Variants in ZCCHC3 observed in about 807,000 individuals in gnomAD.
ZCCHC3 encodes zinc finger CCHC domain-containing protein 3.
In ZCCHC3, 20 loss-of-function variants were observed where a neutral mutation model predicts 18.4. The ratio of observed to expected loss-of-function variants is 1.09; its 90% CI spans 0.76 to 1.58. ZCCHC3 has a LOEUF of 1.58. Among genes scored for constraint, ZCCHC3 ranks in the 40% most tolerant of loss-of-function variants. The pLI, the probability that ZCCHC3 is intolerant of heterozygous loss-of-function variation, is 0.00. For missense variants in ZCCHC3, 548 were observed against 511.2 expected (o/e 1.07, Z -0.69); for synonymous variants, 310 against 232.7 (o/e 1.33, Z -3.02).
chr20:298,925 C>T lies in ZCCHC3; in HGVS notation c.*127C>T. On this transcript the variant is annotated 3_prime_UTR_variant, in exon 1 of 1. Transcript: ENST00000500893. Reference sequence around the variant, plus strand: ...TTTAAAACCTACAAGAGACATCTCTCTATGCCTTCTTAAACCGAGTTTACT... The same window carrying T: ...TTTAAAACCTACAAGAGACATCTCTTTATGCCTTCTTAAACCGAGTTTACT... The T allele has an allele frequency of 1.8e-6, 2 of 1,084,964 alleles. No individual in the cohort carries two copies. The highest frequency in any genetic ancestry group is 2.5e-6 in the Non-Finnish European group (2 of 803,058). 67.2% of individuals were successfully genotyped at this position (1,084,964 alleles called of 1,614,324 possible).
chr20:298,250 C>G lies in ZCCHC3; in HGVS notation c.664C>G (p.Leu222Val), dbSNP rs1189327079. 2 of 943,712 alleles carry G rather than the reference C, an allele frequency of 2.1e-6. No individual in the cohort carries two copies. The highest frequency in any genetic ancestry group is 1.6e-5 in the African/African-American group (1 of 62,168). The allele number at this position is 943,712 out of a possible 1,614,324, so 58.5% of individuals were successfully genotyped here. Reference sequence around the variant, plus strand: ...CGTGAGCTTCCGCTCAGCGGAGAAGCTGGCCCTGTTCCTACGCGTCTACGA... The same window carrying G: ...CGTGAGCTTCCGCTCAGCGGAGAAGGTGGCCCTGTTCCTACGCGTCTACGA... ...FDVSFRSAEK[L>V]ALFLRVYEEK... is the part of the protein sequence containing the mutation. Residue 222 changes from leucine (L) to valine (V), a missense_variant, in exon 1 of 1, where the codon CTG becomes GTG. Physicochemically the swap from Leu to Val is conservative, Grantham distance 32. Coordinates refer to ENST00000500893, the MANE Select transcript of ZCCHC3 (RefSeq NM_033089.7).
Position 297,896 on chromosome 20 carries a change from C to T in ZCCHC3, c.310C>T (p.Pro104Ser), listed in dbSNP as rs2012669389. The T allele has an allele frequency of 2.4e-6, 3 of 1,257,822 alleles. No homozygotes were observed. Among genetic ancestry groups the T allele is most frequent in the Non-Finnish European group, 3.0e-6 (3 of 1,002,232 alleles). The allele number at this position is 1,257,822 out of a possible 1,614,324, so 77.9% of individuals were successfully genotyped here. ...GGATCCGAAGGGCCGTCGGAGAGAT[C>T]CGGCCGGCGAGGCGGTGGACCCCCG... The part of the protein sequence containing the change: ...RGDPKGRRRD[P>S]AGEAVDPRKK... The change falls in exon 1 of 1, where the codon CCG becomes TCG. Residue 104 changes from proline (P) to serine (S), a missense_variant. Coordinates refer to ENST00000500893, the MANE Select transcript of ZCCHC3 (RefSeq NM_033089.7).
chr20:298,585 G>A lies in ZCCHC3; in HGVS notation c.999G>A (p.Lys333=). 2.4e-6 allele frequency: 2 copies of A among 833,366 alleles called. No homozygotes were observed. Among genetic ancestry groups the A allele is most frequent in the East Asian group, 2.4e-5 (1 of 41,344 alleles). The allele number at this position is 833,366 out of a possible 1,614,324, so 51.6% of individuals were successfully genotyped here. Residue 333 remains lysine, a synonymous_variant, in exon 1 of 1, where the codon AAG becomes AAA. Coordinates refer to ENST00000500893, the MANE Select transcript of ZCCHC3 (RefSeq NM_033089.7). The part of the protein sequence containing the change: ...RGYSWYKGQP[K]TCFKCGSRTH... Reference sequence around the variant, plus strand: ...ACAGCTGGTACAAGGGGCAGCCCAAGACATGCTTTAAATGTGGTTCCCGGA... The same window carrying A: ...ACAGCTGGTACAAGGGGCAGCCCAAAACATGCTTTAAATGTGGTTCCCGGA...
In ZCCHC3 at chr20:298,844, C is replaced by T; in HGVS notation, c.*46C>T. The T allele has an allele frequency of 1.4e-6, 2 of 1,470,604 alleles. No homozygotes were observed. Among genetic ancestry groups the T allele is most frequent in the Non-Finnish European group, 1.8e-6 (2 of 1,109,520 alleles). The allele number at this position is 1,470,604 out of a possible 1,614,324, so 91.1% of individuals were successfully genotyped here. ...GTGAACACACAGCCAGCTTATCCCT[C>T]TTAAGTGCCAAAACTTTTTTTTAAA... On this transcript the variant is annotated 3_prime_UTR_variant, in exon 1 of 1. Coordinates refer to ENST00000500893, the MANE Select transcript of ZCCHC3 (RefSeq NM_033089.7).
At position 298,795 on chromosome 20, in the gene ZCCHC3, C is replaced by T; in HGVS notation, c.1209C>T (p.His403=). Residue 403 remains histidine, a synonymous_variant, in exon 1 of 1, where the codon CAC becomes CAT. Transcript: ENST00000500893. ...CTCAGCTAACCGGCGTGGCCGGGCA[C>T]TAAACACCCGCCTGCCTGCCAGGGT... ...VAAQLTGVAG[H] 1 of 1,508,324 alleles carries T rather than the reference C, an allele frequency of 6.6e-7. No homozygotes were observed. The allele number at this position is 1,508,324 out of a possible 1,614,324, so 93.4% of individuals were successfully genotyped here.
Position 299,619 on chromosome 20 carries a change from C to A in ZCCHC3, c.*821C>A, listed in dbSNP as rs1408609456. The A allele has an allele frequency of 4.2e-5, 7 of 167,054 alleles. No homozygotes were observed. The highest frequency in any genetic ancestry group is 7.3e-5 in the Non-Finnish European group (5 of 68,150). 10.3% of individuals were successfully genotyped at this position (167,054 alleles called of 1,614,324 possible). A position where few individuals can be genotyped will look rare whatever the true frequency, so the allele number is the denominator to read the frequency against. ...TGAAAATCACATAGCTGTCTGGTGC[C>A]AGAGCCAGCCTATAGTAGAGTCCCC... On this transcript the variant is annotated 3_prime_UTR_variant, in exon 1 of 1. Transcript: ENST00000500893.
chr20:297,594 C>G lies in ZCCHC3; in HGVS notation c.8C>G (p.Thr3Ser). 1.5e-6 allele frequency: 2 copies of G among 1,369,682 alleles called. No homozygotes were observed. The highest frequency in any genetic ancestry group is 1.9e-6 in the Non-Finnish European group (2 of 1,057,780). The allele number at this position is 1,369,682 out of a possible 1,614,324, so 84.8% of individuals were successfully genotyped here. Reference sequence around the variant, plus strand: ...TGCTGGGAAGGAGGTAAAATGGCCACCGGCGGCGGCGCGGAGGAAGAGAGG... The same window carrying G: ...TGCTGGGAAGGAGGTAAAATGGCCAGCGGCGGCGGCGCGGAGGAAGAGAGG... MA[T>S]GGGAEEERKR... is the part of the protein sequence containing the mutation. The change falls in exon 1 of 1, where the codon ACC (threonine) becomes AGC (serine). Residue 3 changes from threonine (T) to serine (S), a missense_variant. Thr to Ser is a moderately conservative substitution (Grantham distance 58, BLOSUM62 1). Coordinates refer to ENST00000500893, the MANE Select transcript of ZCCHC3 (RefSeq NM_033089.7).
chr20:298,642 G>A lies in ZCCHC3; in HGVS notation c.1056G>A (p.Arg352=). The A allele has an allele frequency of 8.0e-7, 1 of 1,244,488 alleles. No individual in the cohort carries two copies. The highest frequency in any genetic ancestry group is 1.2e-6 in the Non-Finnish European group (1 of 843,374). 77.1% of individuals were successfully genotyped at this position (1,244,488 alleles called of 1,614,324 possible). The change falls in exon 1 of 1, where the codon AGG becomes AGA. Residue 352 remains arginine (R), a synonymous_variant. Coordinates refer to ENST00000500893, the MANE Select transcript of ZCCHC3 (RefSeq NM_033089.7). Reference sequence around the variant, plus strand: ...TGAGCGGCAGCTGCACGCAGGACAGGTGCTTCAGGTGCGGGGAGGAGGGGC... The same window carrying A: ...TGAGCGGCAGCTGCACGCAGGACAGATGCTTCAGGTGCGGGGAGGAGGGGC... ...THMSGSCTQD[R]CFRCGEEGHL...
At position 297,793 on chromosome 20, in the gene ZCCHC3, T is replaced by TGGAGGGAGCGCCGGGCTCGGC. The variant is rs2012666405; in HGVS notation, c.210_230dup (p.Gly71_Gly77dup). 5 of 1,321,902 alleles carry TGGAGGGAGCGCCGGGCTCGGC rather than the reference T, an allele frequency of 3.8e-6. No individual in the cohort carries two copies. The highest frequency in any genetic ancestry group is 6.3e-5 in the East Asian group (2 of 31,818). The allele number at this position is 1,321,902 out of a possible 1,614,324, so 81.9% of individuals were successfully genotyped here. A position where few individuals can be genotyped will look rare whatever the true frequency, so the allele number is the denominator to read the frequency against. On this transcript the variant is annotated inframe_insertion, in exon 1 of 1. Transcript: ENST00000500893. ...GGCGGGAGGAGGAAAGCGGCGGCGGTGGAGGGAGCGCCGGGCTCGGCGGCC... is the reference window on the plus strand; with the variant it reads ...GGCGGGAGGAGGAAAGCGGCGGCGGTGGAGGGAGCGCCGGGCTCGGCGGAGGGAGCGCCGGGCTCGGCGGCC...
In ZCCHC3 at chr20:299,006, CTG is replaced by C. The variant is rs2012700805; in HGVS notation, c.*210_*211del. The C allele has an allele frequency of 2.2e-6, 1 of 450,672 alleles. No homozygotes were observed. Among genetic ancestry groups the C allele is most frequent in the Non-Finnish European group, 3.9e-6 (1 of 255,206 alleles). The allele number at this position is 450,672 out of a possible 1,614,324, so 27.9% of individuals were successfully genotyped here. On this transcript the variant is annotated 3_prime_UTR_variant, in exon 1 of 1. Coordinates refer to ENST00000500893, the MANE Select transcript of ZCCHC3 (RefSeq NM_033089.7). ...TGTCACCAATAACGACTGCGGAGAA[CTG>C]TAGCGTGCAGATGTGTTGCCCCTCC...
rs995668330 is a variant in ZCCHC3, at chr20:299,933, C to T, written c.*1135C>T. On this transcript the variant is annotated 3_prime_UTR_variant, in exon 1 of 1. Transcript: ENST00000500893. Reference sequence around the variant, plus strand: ...TCCTTTGGAGGCCCTACCCCTTCCCCATTCATTGCCACCAGTGAGAAATGG... The same window carrying T: ...TCCTTTGGAGGCCCTACCCCTTCCCTATTCATTGCCACCAGTGAGAAATGG... 1 of 167,144 alleles carries T rather than the reference C, an allele frequency of 6.0e-6. No homozygotes were observed. The highest frequency in any genetic ancestry group is 2.4e-5 in the African/African-American group (1 of 41,454). The allele number at this position is 167,144 out of a possible 1,614,324, so 10.4% of individuals were successfully genotyped here. A position where few individuals can be genotyped will look rare whatever the true frequency, so the allele number is the denominator to read the frequency against.
chr20:297,970 G>A lies in ZCCHC3; in HGVS notation c.384G>A (p.Ala128=). ...CGGGCAGGAGGAAGAAGGCCGAGGC[G>A]GCGGCGGCCGCCATGGCGACCCCGG... ...AEAGRRKKAE[A]AAAAMATPAR... is the part of the protein sequence containing the mutation. Residue 128 remains alanine, a synonymous_variant, in exon 1 of 1, where the codon GCG becomes GCA. Transcript: ENST00000500893. The A allele has an allele frequency of 2.3e-6, 3 of 1,304,998 alleles. No individual in the cohort carries two copies. Among genetic ancestry groups the A allele is most frequent in the Non-Finnish European group, 2.9e-6 (3 of 1,032,046 alleles). 80.8% of individuals were successfully genotyped at this position (1,304,998 alleles called of 1,614,324 possible). A position where few individuals can be genotyped will look rare whatever the true frequency, so the allele number is the denominator to read the frequency against.
Position 299,948 on chromosome 20 carries a change from G to C in ZCCHC3, c.*1150G>C, listed in dbSNP as rs1028537200. Reference sequence around the variant, plus strand: ...ACCCCTTCCCCATTCATTGCCACCAGTGAGAAATGGGGGTGCCCCTGTGTA... The same window carrying C: ...ACCCCTTCCCCATTCATTGCCACCACTGAGAAATGGGGGTGCCCCTGTGTA... On this transcript the variant is annotated 3_prime_UTR_variant, in exon 1 of 1. Coordinates refer to ENST00000500893, the MANE Select transcript of ZCCHC3 (RefSeq NM_033089.7). The C allele has an allele frequency of 6.0e-6, 1 of 167,114 alleles. No individual in the cohort carries two copies. The highest frequency in any genetic ancestry group is 1.5e-5 in the Non-Finnish European group (1 of 68,138). The allele number at this position is 167,114 out of a possible 1,614,324, so 10.4% of individuals were successfully genotyped here.
chr20:298,159 C>A lies in ZCCHC3; in HGVS notation c.573C>A (p.Arg191=). ...RDFVVGALIL[R]SIGMDPSDIY... ...TCGTGGTAGGAGCGCTTATCCTGCG[C>A]TCCATCGGCATGGACCCGAGCGACA... The change falls in exon 1 of 1, where the codon CGC becomes CGA. Residue 191 remains arginine (R), a synonymous_variant. Transcript: ENST00000500893. The A allele has an allele frequency of 3.2e-6, 5 of 1,550,462 alleles. No homozygotes were observed. Among genetic ancestry groups the A allele is most frequent in the Non-Finnish European group, 4.5e-6 (5 of 1,122,966 alleles).
rs1187899048 is a variant in ZCCHC3, at chr20:298,045, G to C, written c.459G>C (p.Glu153Asp). 6.7e-7 allele frequency: 1 copy of C among 1,497,838 alleles called. No individual in the cohort carries two copies. Among genetic ancestry groups the C allele is most frequent in the Non-Finnish European group, 8.9e-7 (1 of 1,124,042 alleles). 92.8% of individuals were successfully genotyped at this position (1,497,838 alleles called of 1,614,324 possible). The change falls in exon 1 of 1, where the codon GAG becomes GAC. Residue 153 changes from glutamate to aspartate, a missense_variant. Physicochemically the swap from Glu to Asp is conservative, Grantham distance 45 (BLOSUM62 2). Transcript: ENST00000500893. ...CGGCCGAGCGGCCCCTCCAGGATGA[G>C]CCGGCGGCGGCGGCAGGCCCGGGCA... is the stretch of plus-strand genomic sequence containing the variant. ...EDAAERPLQD[E>D]PAAAAGPGKG...
In ZCCHC3 at chr20:298,416, G is replaced by A; in HGVS notation, c.830G>A (p.Cys277Tyr). ...ATTGTGACTTGGCTCAAGCGCCACT[G>A]CGACGTGCTGGCCGTGCCGGTGAAA... ...EDIVTWLKRH[C>Y]DVLAVPVKVT... Residue 277 changes from cysteine to tyrosine, a missense_variant, in exon 1 of 1, where the codon TGC (cysteine) becomes TAC (tyrosine). Physicochemically the swap from Cys to Tyr is radical, Grantham distance 194 (BLOSUM62 -2). Coordinates refer to ENST00000500893, the MANE Select transcript of ZCCHC3 (RefSeq NM_033089.7). 1.3e-6 allele frequency: 1 copy of A among 781,822 alleles called. No individual in the cohort carries two copies. The allele number at this position is 781,822 out of a possible 1,614,324, so 48.4% of individuals were successfully genotyped here. A position where few individuals can be genotyped will look rare whatever the true frequency, so the allele number is the denominator to read the frequency against.
In ZCCHC3 at chr20:297,841, C is replaced by T; in HGVS notation, c.255C>T (p.Asp85=). 2 of 1,250,516 alleles carry T rather than the reference C, an allele frequency of 1.6e-6. No individual in the cohort carries two copies. Among genetic ancestry groups the T allele is most frequent in the Non-Finnish European group, 2.0e-6 (2 of 997,626 alleles). The allele number at this position is 1,250,516 out of a possible 1,614,324, so 77.5% of individuals were successfully genotyped here. Reference sequence around the variant, plus strand: ...GCCCCGCGGGCCTGGCGGCGCCGGACCTCGGCGACTTCCCACCGGCTGGCC... The same window carrying T: ...GCCCCGCGGGCCTGGCGGCGCCGGATCTCGGCGACTTCCCACCGGCTGGCC... ...LGGPAGLAAP[D]LGDFPPAGRG... The change falls in exon 1 of 1, where the codon GAC becomes GAT. Residue 85 remains aspartate, a synonymous_variant. Transcript: ENST00000500893.
Position 297,720 on chromosome 20 carries a change from A to C in ZCCHC3, c.134A>C (p.Lys45Thr). 1 of 1,377,590 alleles carries C rather than the reference A, an allele frequency of 7.3e-7. No individual in the cohort carries two copies. The highest frequency in any genetic ancestry group is 9.4e-7 in the Non-Finnish European group (1 of 1,063,436). The allele number at this position is 1,377,590 out of a possible 1,614,324, so 85.3% of individuals were successfully genotyped here. Residue 45 changes from lysine (K) to threonine (T), a missense_variant, in exon 1 of 1, where the codon AAG (lysine) becomes ACG (threonine). Coordinates refer to ENST00000500893, the MANE Select transcript of ZCCHC3 (RefSeq NM_033089.7). Reference protein sequence around the residue: ...REKMGWAQVVKNLAEKKGEFR... With the variant: ...REKMGWAQVVTNLAEKKGEFR... ...AAGATGGGCTGGGCCCAGGTGGTGA[A>C]GAATCTAGCCGAGAAGAAGGGCGAA...
At position 298,645 on chromosome 20, in the gene ZCCHC3, C is replaced by T. The variant is rs781690629; in HGVS notation, c.1059C>T (p.Cys353=). ...HMSGSCTQDR[C]FRCGEEGHLS... ...GCGGCAGCTGCACGCAGGACAGGTG[C>T]TTCAGGTGCGGGGAGGAGGGGCACC... is the stretch of plus-strand genomic sequence containing the variant. The change falls in exon 1 of 1, where the codon TGC becomes TGT. Residue 353 remains cysteine (C), a synonymous_variant. Transcript: ENST00000500893. 14 of 1,280,448 alleles carry T rather than the reference C, an allele frequency of 1.1e-5. No individual in the cohort carries two copies. In the East Asian group the frequency reaches 3.0e-4, roughly 27 times the overall value. The allele number at this position is 1,280,448 out of a possible 1,614,324, so 79.3% of individuals were successfully genotyped here. A position where few individuals can be genotyped will look rare whatever the true frequency, so the allele number is the denominator to read the frequency against.
Sources: gnomAD v4.1 joint callset for allele counts on GRCh38, gnomAD v4.1.1 for gene constraint, MANE v1.5 for transcripts, NCBI Gene and HGNC (gene_info 2026-07-23, HGNC 2026-07-21) for gene names.